CEP78: variants seen among roughly 807,000 people sequenced by gnomAD.
CEP78 encodes centrosomal protein of 78 kDa.
A neutral mutation model predicts 81.2 loss-of-function variants in CEP78; 76 were observed. The observed-to-expected ratio is 0.94, with a 90% CI of 0.78 to 1.13. The LOEUF is 1.13. Among genes scored for constraint, CEP78 ranks in the 50% most tolerant of loss-of-function variants. The probability of loss-of-function intolerance (pLI) is 0.00; values close to 1 mark genes in which losing one functional copy is unlikely to be tolerated. For missense variants in CEP78, 918 were observed against 846.8 expected (o/e 1.08, Z -1.04); for synonymous variants, 293 against 301.4 (o/e 0.97, Z 0.29).
chr9:78,266,238 C>T (rs977209821), intron 15 of CEP78, among the ~76,000 whole-genome samples: 7 of 151,642 alleles, frequency 4.6e-5, no homozygotes, highest in Non-Finnish European at 2.9e-5. Flanking sequence ...GTAATAATTA[C>T]AGAAAACACA....
chr9:78,264,735 T>C (rs945474800), intron 13 of CEP78, among the ~76,000 whole-genome samples: 2 of 152,128 alleles, frequency 1.3e-5, no homozygotes, highest in African/African-American at 4.8e-5. Context: ...GTAGTTTTAA[T>C]TGAAAGTATT....
At chr9:78,268,409 A>G (rs1827615911) in intron 16 of CEP78, among the ~76,000 whole-genome samples, 1 of 152,182 alleles carries the variant, frequency 6.6e-6, no homozygotes. Context: ...CGAGTCTTAT[A>G]ATCCACGTTG....
At chr9:78,236,710 C>T in intron 1 of CEP78, 107 bp downstream of exon 1, 1 of 1,397,784 alleles carries the variant, frequency 7.2e-7, no homozygotes, top group Non-Finnish European at 9.5e-7. Flanking sequence ...GGGTGTGCGG[C>T]CTGGACACTC....
chr9:78,242,754 G>A (rs1826294710), intron 4 of CEP78, among the ~76,000 whole-genome samples: 1 of 151,864 alleles, frequency 6.6e-6, no homozygotes, highest in African/African-American at 2.4e-5. Context: ...TCCTGTTACC[G>A]AAATTTACTT....
intron 1 of CEP78, among the ~76,000 whole-genome samples, chr9:78,238,654 C>T (rs1826074523): frequency 6.6e-6 from 1 of 152,204 alleles, no homozygotes; most frequent in Admixed American, 6.5e-5. Flanking sequence ...TCTGCAAGGA[C>T]AGTTCAACAC....
chr9:78,240,502 C>T (rs1311763296), intron 3 of CEP78, 138 bp downstream of exon 3: 2 of 735,130 alleles, frequency 2.7e-6, no homozygotes, highest in Non-Finnish European at 4.6e-6. Context: ...AGTCTCAAGT[C>T]TACCATGAAA....
intron 1 of CEP78, among the ~76,000 whole-genome samples, chr9:78,239,042 T>A (rs1474702807): frequency 1.3e-5 from 2 of 151,696 alleles, no homozygotes; most frequent in Admixed American, 6.6e-5. Flanking sequence ...AAATTAAAGA[T>A]GGGAGGGACC....
At position 78,273,313 on chromosome 9, in the gene CEP78, G is replaced by A. The variant is rs1827734411; in HGVS notation, c.*2462G>A. On this transcript the variant is annotated 3_prime_UTR_variant, in exon 17 of 17. Transcript: ENST00000643273. ...ACCAGGCAGATGCTAAAGAGTAAATGTGGCTGTGTTAGCTGCAGACTAAAT... is the reference window on the plus strand; with the variant it reads ...ACCAGGCAGATGCTAAAGAGTAAATATGGCTGTGTTAGCTGCAGACTAAAT... The A allele has an allele frequency of 1.3e-5, 2 of 152,188 alleles. No individual in the cohort carries two copies. Among genetic ancestry groups the A allele is most frequent in the South Asian group, 4.1e-4 (2 of 4,832 alleles). 9.4% of individuals were successfully genotyped at this position (152,188 alleles called of 1,614,324 possible). A position where few individuals can be genotyped will look rare whatever the true frequency, so the allele number is the denominator to read the frequency against.
chr9:78,255,075 C>T, intron 11 of CEP78, 111 bp downstream of exon 11: 1 of 823,154 alleles, frequency 1.2e-6, no homozygotes, highest in East Asian at 3.1e-5. Context: ...TCTGTTTTCG[C>T]CTTCCTTCTA....
intron 11 of CEP78, 52 bp downstream of exon 11, chr9:78,255,016 T>G (rs2118344722): frequency 6.6e-7 from 1 of 1,517,056 alleles, no homozygotes; most frequent in South Asian, 1.2e-5. Flanking sequence ...AAACTCTAGT[T>G]AGTTTTTGGT....
At chr9:78,264,457 G>C in intron 13 of CEP78, 141 bp downstream of exon 13, 1 of 608,068 alleles carries the variant, frequency 1.6e-6, no homozygotes, top group Non-Finnish European at 2.6e-6. Flanking sequence ...TTTAAATGTG[G>C]AATTAATTTT....
rs1827754832 is a variant in CEP78 at position 78,274,143 on chromosome 9, T to C, written c.*3292T>C. On this transcript the variant is annotated 3_prime_UTR_variant, in exon 17 of 17. Transcript: ENST00000643273. ...AGATGTCTTCCAACAGGTGAATGGA[T>C]AGCGATGTATCCATATGGTGGCAAA... 6.6e-6 allele frequency: 1 copy of C among 152,248 alleles called. No homozygotes were observed. The highest frequency in any genetic ancestry group is 2.1e-4 in the South Asian group (1 of 4,836). 9.4% of individuals were successfully genotyped at this position (152,248 alleles called of 1,614,324 possible).
chr9:78,237,317 A>T (rs931294418), intron 1 of CEP78, among the ~76,000 whole-genome samples: 10 of 152,098 alleles, frequency 6.6e-5, no homozygotes, highest in Admixed American at 1.3e-4. Context: ...AGAAGTTTGT[A>T]AAGTGCTTTA....
intron 12 of CEP78, among the ~76,000 whole-genome samples, chr9:78,263,192 T>C (rs937719661): frequency 6.6e-6 from 1 of 152,262 alleles, no homozygotes; most frequent in Admixed American, 6.5e-5. Context: ...AATGTAAAAA[T>C]TGTAGTTTGT....
At chr9:78,269,155 A>G (rs1217901077) in intron 16 of CEP78, among the ~76,000 whole-genome samples, 1 of 152,224 alleles carries the variant, frequency 6.6e-6, no homozygotes, top group African/African-American at 2.4e-5. Flanking sequence ...AAAGGGATCT[A>G]AAATAAGGTA....
intron 13 of CEP78, among the ~76,000 whole-genome samples, chr9:78,264,645 TAAA>T (rs34285580): frequency 2.2e-4 from 26 of 119,360 alleles, no homozygotes; most frequent in Admixed American, 4.3e-4. Flanking sequence ...GCCCATCTCT[TAAA>T]AAAAAAAAAA....
intron 3 of CEP78, 126 bp from the exon 4 acceptor site, chr9:78,241,570 T>G (rs935282431): frequency 1.9e-6 from 1 of 517,124 alleles, no homozygotes; most frequent in Admixed American, 3.6e-5. Flanking sequence ...TTAGGTAGAT[T>G]GTAAATAGTG....
intron 5 of CEP78, among the ~76,000 whole-genome samples, chr9:78,244,134 CTTTTTTTTTTTTT>C (rs971743733): frequency 2.7e-5 from 3 of 110,774 alleles, no homozygotes; most frequent in Non-Finnish European, 5.6e-5. Flanking sequence ...ATTGAAGTTA[CTTTTTTTTTTTTT>C]TTTTTTTTTT....
chr9:78,245,753 G>C (rs570576598), intron 5 of CEP78, among the ~76,000 whole-genome samples: 1 of 152,062 alleles, frequency 6.6e-6, no homozygotes, highest in African/African-American at 2.4e-5. Flanking sequence ...TTGAGAGAGA[G>C]TTCTTGACCA....
Sources: gnomAD v4.1 joint callset for allele counts (sites outside exome capture counted in the v4.1 genomes callset) on GRCh38, gnomAD v4.1.1 for gene constraint, MANE v1.5 for transcripts, NCBI Gene and HGNC (gene_info 2026-07-23, HGNC 2026-07-21) for gene names.